Variants in RGPD3 observed in about 807,000 individuals in gnomAD.
The protein encoded by RGPD3 is ranBP2-like and GRIP domain-containing protein 3.
A neutral mutation model predicts 154.5 loss-of-function variants in RGPD3; 62 were observed. The ratio of observed to expected loss-of-function variants is 0.40; its 90% CI spans 0.33 to 0.50. The LOEUF (loss-of-function observed/expected upper bound fraction) is 0.50, where lower values mean the gene tolerates loss of function less well. RGPD3 is among the 20% of genes least tolerant of loss of function. The pLI is 0.59. For missense variants in RGPD3, 919 were observed against 1,716.8 expected, an observed-to-expected ratio of 0.54 and a Z score of 8.21; for synonymous variants, 308 against 607.0, an observed-to-expected ratio of 0.51 and a Z score of 7.24.
At chr2:106,450,520 C>T (rs1427193899) in intron 6 of RGPD3, among the ~76,000 whole-genome samples, 5 of 146,942 alleles carry the variant, frequency 3.4e-5, no homozygotes, top group Non-Finnish European at 6.0e-5. Context: ...ATCTCCCCTC[C>T]TGAGCCTCCC....
intron 1 of RGPD3, among the ~76,000 whole-genome samples, chr2:106,467,722 C>T (rs1401480216): frequency 5.0e-5 from 7 of 138,724 alleles, no homozygotes; most frequent in African/African-American, 1.9e-4. Flanking sequence ...TCGAGGCCGC[C>T]GCCTCAACAG....
intron 1 of RGPD3, among the ~76,000 whole-genome samples, 161 bp downstream of exon 1, chr2:106,468,056 C>T (rs1452908461): frequency 6.8e-6 from 1 of 147,908 alleles, no homozygotes; most frequent in Admixed American, 6.7e-5. Flanking sequence ...GCCATCGAGG[C>T]CGCCGCAGGG....
rs1188840239 is a variant in RGPD3 at position 106,424,543 on chromosome 2, C to T, written c.3424G>A (p.Ala1142Thr). ...WSASDFSDGD[A>T]KLERLAAKFK... ...TTTGCTGCCAATCGCTCTAGTTTGG[C>T]ATCACCATCAGAGAAATCACTGGCT... Residue 1142 changes from alanine to threonine, a missense_variant, in exon 20 of 23, where the codon GCC becomes ACC. By Grantham distance (58) the Ala-to-Thr change is moderately conservative. Coordinates refer to ENST00000409886, the MANE Select transcript of RGPD3 (RefSeq NM_001144013.2). The T allele has an allele frequency of 6.2e-7, 1 of 1,609,136 alleles. No homozygotes were observed. The highest frequency in any genetic ancestry group is 1.7e-5 in the Admixed American group (1 of 59,898).
intron 22 of RGPD3, among the ~76,000 whole-genome samples, chr2:106,405,436 C>T (rs545185350): frequency 1.6e-4 from 22 of 140,776 alleles, no homozygotes; most frequent in East Asian, 4.3e-4. Flanking sequence ...AGTGCAGTGG[C>T]GTGATGAGAC....
In RGPD3 at chr2:106,415,872, G is replaced by T. The variant is rs1205794922; in HGVS notation, c.5042C>A (p.Ala1681Glu). The change falls in exon 21 of 23, where the codon GCA becomes GAA. Residue 1681 changes from alanine to glutamate, a missense_variant. Coordinates refer to ENST00000409886, the MANE Select transcript of RGPD3 (RefSeq NM_001144013.2). ...CACCTTAATTTGCTCCATAAGGACT[G>T]CATTGGTTGCCTCTATTTCCCGAAG... Reference protein sequence around the residue: ...GLLREIEATNAVLMEQIKLLK... With the variant: ...GLLREIEATNEVLMEQIKLLK... The T allele has an allele frequency of 1.2e-6, 2 of 1,611,876 alleles. No homozygotes were observed. The highest frequency in any genetic ancestry group is 1.7e-6 in the Non-Finnish European group (2 of 1,179,834).
chr2:106,446,796 C>T (rs1436302404), intron 7 of RGPD3, among the ~76,000 whole-genome samples: 7 of 149,276 alleles, frequency 4.7e-5, no homozygotes, highest in African/African-American at 1.5e-4. Context: ...GCAGGAGAAT[C>T]ACTTGAACCC....
chr2:106,462,203 G>A (rs1020051086), intron 1 of RGPD3, among the ~76,000 whole-genome samples: 17 of 151,916 alleles, frequency 1.1e-4, no homozygotes, highest in African/African-American at 4.1e-4. Flanking sequence ...TCAAAATGAA[G>A]AAATAGATTC....
chr2:106,469,909 A>G (rs1404597905), upstream of RGPD3, among the ~76,000 whole-genome samples: 1 of 151,532 alleles, frequency 6.6e-6, no homozygotes, highest in Non-Finnish European at 1.5e-5. Flanking sequence ...TCCTTTCTCA[A>G]AATCCTGTAA....
Position 106,416,118 on chromosome 2 carries a change from A to C in RGPD3, c.4925-129T>G. ...TATAGCTCTGCTTTCTTTGCCATTCATCTATTCGGCATACCTCAATCAACA... is the reference window on the plus strand; with the variant it reads ...TATAGCTCTGCTTTCTTTGCCATTCCTCTATTCGGCATACCTCAATCAACA... On this transcript the variant is annotated intron_variant, in intron 20 of 22. Transcript: ENST00000409886. The C allele has an allele frequency of 2.7e-6, 4 of 1,466,552 alleles. No homozygotes were observed. In the Middle Eastern group the frequency reaches 1.0e-3, roughly 370 times the overall value. 90.8% of individuals were successfully genotyped at this position (1,466,552 alleles called of 1,614,324 possible).
Position 106,414,619 on chromosome 2 carries a change from C to CAA in RGPD3, c.5064+1229_5064+1230dup, listed in dbSNP as rs71274726. Among the ~76,000 whole-genome samples, 823 of 136,570 alleles carry CAA rather than the reference C, an allele frequency of 6.0e-3. 4 individuals are homozygous for CAA. Among genetic ancestry groups the CAA allele is most frequent in the African/African-American group, 0.013 (460 of 36,348 alleles). The allele number at this position is 136,570 out of a possible 152,430, so 89.6% of individuals were successfully genotyped here. ...ACCTAGTGACAGAGCGAGACTATCT[C>CAA]AAAAAAAAAAAAGAAAATATAACAT... On this transcript the variant is annotated intron_variant, in intron 21 of 22. Transcript: ENST00000409886.
chr2:106,454,420 T>TGTTTAAAA (rs1678188357), intron 4 of RGPD3, among the ~76,000 whole-genome samples: 1 of 150,236 alleles, frequency 6.7e-6, no homozygotes, highest in Non-Finnish European at 1.5e-5. Flanking sequence ...TAAAAACCAC[T>TGTTTAAAA]ATGAGTGCTT....
chr2:106,412,250 A>G (rs1676691298), intron 22 of RGPD3, among the ~76,000 whole-genome samples: 1 of 135,030 alleles, frequency 7.4e-6, no homozygotes, highest in South Asian at 2.5e-4. Context: ...ACATCACAGT[A>G]TTAAATCCAT....
intron 6 of RGPD3, among the ~76,000 whole-genome samples, chr2:106,450,941 T>C (rs1678100503): frequency 6.9e-6 from 1 of 144,720 alleles, no homozygotes; most frequent in African/African-American, 2.6e-5. Flanking sequence ...ATACAAAAAT[T>C]AGCTGGGCGT....
At chr2:106,465,910 C>G (rs962039500) in intron 1 of RGPD3, among the ~76,000 whole-genome samples, 246 of 151,894 alleles carry the variant, frequency 1.6e-3, no homozygotes, top group African/African-American at 5.7e-3. Context: ...CAAATGTCCG[C>G]GCTGAGATGC....
intron 22 of RGPD3, among the ~76,000 whole-genome samples, chr2:106,407,921 CTTTA>C (rs1229696572): frequency 7.4e-6 from 1 of 134,282 alleles, no homozygotes; most frequent in Non-Finnish European, 1.6e-5. Flanking sequence ...GGCTTTTTTT[CTTTA>C]TTTACTTGTA....
intron 22 of RGPD3, among the ~76,000 whole-genome samples, chr2:106,409,458 T>C (rs1386726975): frequency 6.6e-6 from 1 of 152,138 alleles, no homozygotes; most frequent in African/African-American, 2.4e-5. Context: ...GAAGAGATCT[T>C]GGAAAATATA....
At chr2:106,416,133 C>G in intron 20 of RGPD3, 144 bp from the exon 21 acceptor site, 1 of 1,361,376 alleles carries the variant, frequency 7.3e-7, no homozygotes, top group South Asian at 1.5e-5. Flanking sequence ...TTCGGCATAC[C>G]TCAATCAACA....
chr2:106,420,723 C>CTT (rs534862639), intron 20 of RGPD3, among the ~76,000 whole-genome samples: 144 of 152,352 alleles, frequency 9.5e-4, no homozygotes, highest in African/African-American at 3.4e-3. Context: ...ATCTGTTTCC[C>CTT]TTTTTAACTG....
chr2:106,465,953 C>T (rs1678562679), intron 1 of RGPD3, among the ~76,000 whole-genome samples: 1 of 151,992 alleles, frequency 6.6e-6, no homozygotes, highest in African/African-American at 2.4e-5. Flanking sequence ...CGCCAAAGCT[C>T]ACCCGGAGCT....
Sources: gnomAD v4.1 joint callset for allele counts (sites outside exome capture counted in the v4.1 genomes callset) on GRCh38, gnomAD v4.1.1 for gene constraint, MANE v1.5 for transcripts, NCBI Gene and HGNC (gene_info 2026-07-23, HGNC 2026-07-21) for gene names.